The following NKAIN2 variants were observed in gnomAD, a reference collection of about 807,000 sequenced individuals.
NKAIN2 encodes the protein sodium/potassium-transporting ATPase subunit beta-1-interacting protein 2.
A neutral mutation model predicts 32.6 loss-of-function variants in NKAIN2; 14 were observed. The observed-to-expected ratio is 0.43, with a 90% CI of 0.28 to 0.67. The LOEUF is 0.67. Ranked by LOEUF, NKAIN2 falls within the 30% of genes least tolerant of loss-of-function variation. The pLI, the probability that NKAIN2 is intolerant of heterozygous loss-of-function variation, is 0.17. For missense variants in NKAIN2, 198 were observed against 258.3 expected (o/e 0.77, Z 1.60); for synonymous variants, 80 against 87.2 (o/e 0.92, Z 0.46).
chr6:123,929,557 A>G (rs1223331481), intron 1 of NKAIN2, among the ~76,000 whole-genome samples: 1 of 152,158 alleles, frequency 6.6e-6, no homozygotes, highest in East Asian at 1.9e-4. Flanking sequence ...AACCAAGTCA[A>G]TGTTCTGAGA....
At chr6:124,105,511 G>C (rs953213499) in intron 1 of NKAIN2, among the ~76,000 whole-genome samples, 10 of 152,186 alleles carry the variant, frequency 6.6e-5, no homozygotes, top group African/African-American at 1.9e-4. Context: ...TGAGACTACA[G>C]TGTGACCAAA....
intron 1 of NKAIN2, among the ~76,000 whole-genome samples, chr6:123,997,597 C>CT (rs545393601): frequency 0.037 from 3,599 of 98,204 alleles, 126 homozygotes; most frequent in Middle Eastern, 0.062. Context: ...GGAGTTTATT[C>CT]TTTTTTTTTT....
At chr6:124,113,270 A>G (rs1377034875) in intron 1 of NKAIN2, among the ~76,000 whole-genome samples, 2 of 152,108 alleles carry the variant, frequency 1.3e-5, no homozygotes, top group African/African-American at 2.4e-5. Context: ...AACTGAAGCT[A>G]TGGTGTCTAT....
chr6:124,380,914 A>G (rs931715147), intron 3 of NKAIN2, among the ~76,000 whole-genome samples: 2 of 152,172 alleles, frequency 1.3e-5, no homozygotes, highest in Non-Finnish European at 2.9e-5. Flanking sequence ...CAGATTCCAC[A>G]TTGCAAGTAA....
chr6:124,257,728 A>G (rs1317671732), intron 1 of NKAIN2, among the ~76,000 whole-genome samples: 11 of 151,974 alleles, frequency 7.2e-5, no homozygotes, highest in Non-Finnish European at 1.6e-4. Context: ...CCTTGTGGCC[A>G]GCACTCCTCT....
chr6:124,734,166 T>G (rs76029010), intron 4 of NKAIN2, among the ~76,000 whole-genome samples: 6,050 of 151,118 alleles, frequency 0.04, 179 homozygotes, highest in Non-Finnish European at 0.063. Flanking sequence ...TTGGCCAAAG[T>G]GGAAATCATA....
intron 3 of NKAIN2, among the ~76,000 whole-genome samples, chr6:124,638,466 G>A (rs1235448319): frequency 4.6e-5 from 7 of 152,286 alleles, no homozygotes; most frequent in African/African-American, 1.4e-4. Context: ...CCAAAAGAGT[G>A]AAGAGATAAC....
intron 2 of NKAIN2, among the ~76,000 whole-genome samples, chr6:124,315,948 A>G (rs1345785401): frequency 6.6e-6 from 1 of 152,108 alleles, no homozygotes; most frequent in Non-Finnish European, 1.5e-5. Flanking sequence ...AGATGGGTGA[A>G]TCTTTTTCCT....
intron 2 of NKAIN2, among the ~76,000 whole-genome samples, chr6:124,297,319 A>G (rs1028523477): frequency 5.9e-5 from 9 of 152,220 alleles, no homozygotes; most frequent in African/African-American, 1.7e-4. Flanking sequence ...TATATACTGT[A>G]TTCTTACAAC....
At chr6:124,193,993 C>T (rs1274569070) in intron 1 of NKAIN2, among the ~76,000 whole-genome samples, 1 of 152,038 alleles carries the variant, frequency 6.6e-6, no homozygotes, top group Admixed American at 6.6e-5. Flanking sequence ...ACCCTGGAGC[C>T]GGTAGATACT....
intron 3 of NKAIN2, among the ~76,000 whole-genome samples, chr6:124,465,619 TAAAG>T (rs1776716863): frequency 8.6e-6 from 1 of 115,750 alleles, no homozygotes; most frequent in Non-Finnish European, 1.8e-5. Flanking sequence ...TCCCAGGACT[TAAAG>T]TAAAGTTAAA....
At chr6:124,250,973 A>C (rs1290242959) in intron 1 of NKAIN2, among the ~76,000 whole-genome samples, 1 of 152,044 alleles carries the variant, frequency 6.6e-6, no homozygotes, top group East Asian at 1.9e-4. Context: ...TAAAGTATGC[A>C]TTCTAAAACA....
intron 1 of NKAIN2, among the ~76,000 whole-genome samples, chr6:124,032,096 A>T (rs1781429841): frequency 6.6e-6 from 1 of 151,982 alleles, no homozygotes; most frequent in African/African-American, 2.4e-5. Flanking sequence ...GAAAGGGATG[A>T]GTTCATGTCC....
intron 3 of NKAIN2, among the ~76,000 whole-genome samples, chr6:124,515,552 C>G (rs1346208585): frequency 6.6e-6 from 1 of 151,988 alleles, no homozygotes. Context: ...CAGCTCCCCC[C>G]AGGAAGGGCA....
intron 1 of NKAIN2, among the ~76,000 whole-genome samples, chr6:123,960,980 T>A (rs1032219947): frequency 8.6e-5 from 13 of 151,984 alleles, no homozygotes; most frequent in African/African-American, 2.7e-4. Flanking sequence ...TGAAAAAAAA[T>A]ATATGAATAG....
chr6:124,041,996 A>G (rs773521990), intron 1 of NKAIN2, among the ~76,000 whole-genome samples: 7 of 152,086 alleles, frequency 4.6e-5, no homozygotes, highest in Non-Finnish European at 1.0e-4. Context: ...GTTTCTTGCT[A>G]CTTCTAAACT....
At chr6:124,440,806 T>C (rs2114594605) in intron 3 of NKAIN2, among the ~76,000 whole-genome samples, 1 of 152,208 alleles carries the variant, frequency 6.6e-6, no homozygotes, top group Admixed American at 6.6e-5. Flanking sequence ...GGTAGAAGTA[T>C]GTTCTCTCTC....
At chr6:124,210,724 G>A (rs1209934189) in intron 1 of NKAIN2, among the ~76,000 whole-genome samples, 1 of 149,512 alleles carries the variant, frequency 6.7e-6, no homozygotes, top group Non-Finnish European at 1.5e-5. Context: ...TTGTTTGTTT[G>A]TTTTTTGTTT....
Position 124,204,633 on chromosome 6 carries a change from G to A in NKAIN2, c.55-78372G>A, listed in dbSNP as rs560765262. Among the ~76,000 whole-genome samples the A allele has an allele frequency of 1.6e-4, 25 of 151,728 alleles. No individual in the cohort carries two copies. The South Asian group carries it at 5.0e-3, about 30-fold the overall frequency. On this transcript the variant is annotated intron_variant, in intron 1 of 6. Transcript: ENST00000368417. ...ATAGCAAGTTGTAAACTGTCAAAGG[G>A]CAACTATTCATCAAGAAGTATATTT... is the stretch of plus-strand genomic sequence containing the variant.
Sources: allele counts gnomAD v4.1 joint callset (sites outside exome capture counted in the v4.1 genomes callset), GRCh38; gene constraint gnomAD v4.1.1; transcripts MANE v1.5; gene names NCBI Gene and HGNC (gene_info 2026-07-23, HGNC 2026-07-21).